ME1: variants seen among roughly 807,000 people sequenced by gnomAD.
The protein encoded by ME1 is malic enzyme 1.
A neutral mutation model predicts 66.4 loss-of-function variants in ME1; 74 were observed. That is an observed-to-expected ratio of 1.11 (90% confidence interval 0.92 to 1.35). The LOEUF (loss-of-function observed/expected upper bound fraction) is 1.35, where lower values mean the gene tolerates loss of function less well. Ranked by LOEUF, ME1 falls within the 40% of genes most tolerant of loss-of-function variation. The probability of loss-of-function intolerance (pLI) is 0.00; values close to 1 mark genes in which losing one functional copy is unlikely to be tolerated. For synonymous variants in ME1, 251 were observed against 235.6 expected (o/e 1.07, Z -0.60); for missense variants, 750 against 694.1 (o/e 1.08, Z -0.90).
intron 3 of ME1, among the ~76,000 whole-genome samples, chr6:83,357,964 T>TATATATAC (rs1562489486): frequency 7.8e-6 from 1 of 128,402 alleles, no homozygotes; most frequent in African/African-American, 2.8e-5. Context: ...TATATATATA[T>TATATATAC]ATATATATAT....
intron 6 of ME1, among the ~76,000 whole-genome samples, chr6:83,270,552 T>G (rs904567683): frequency 6.6e-6 from 1 of 152,080 alleles, no homozygotes; most frequent in Non-Finnish European, 1.5e-5. Context: ...CATGCAGTAG[T>G]GGCACGCTAA....
intron 3 of ME1, among the ~76,000 whole-genome samples, chr6:83,398,153 A>G (rs575607138): frequency 6.6e-6 from 1 of 152,318 alleles, no homozygotes; most frequent in Admixed American, 6.5e-5. Context: ...ACTCACCACA[A>G]ATAAATGATA....
At chr6:83,413,870 A>G (rs1344585883) in intron 1 of ME1, among the ~76,000 whole-genome samples, 8 of 152,112 alleles carry the variant, frequency 5.3e-5, no homozygotes, top group Non-Finnish European at 1.2e-4. Flanking sequence ...GCACATTGGG[A>G]GGGTAAAGCA....
At chr6:83,393,501 C>T in intron 3 of ME1, 2 of 384,828 alleles carry the variant, frequency 5.2e-6, no homozygotes, top group Non-Finnish European at 9.3e-6. Flanking sequence ...TCTCCCACCA[C>T]ACTGAGAATC....
chr6:83,355,419 T>A (rs996685606), intron 3 of ME1, among the ~76,000 whole-genome samples: 4 of 152,130 alleles, frequency 2.6e-5, no homozygotes, highest in Admixed American at 6.5e-5. Context: ...ACCATTTTTT[T>A]AAATAAGAGA....
chr6:83,246,927 G>A (rs557792998), intron 7 of ME1, among the ~76,000 whole-genome samples: 15 of 152,034 alleles, frequency 9.9e-5, no homozygotes, highest in African/African-American at 7.2e-5. Context: ...CTCACTTGCT[G>A]TTTAATAAAT....
At chr6:83,227,903 C>T (rs1218521497) in intron 10 of ME1, among the ~76,000 whole-genome samples, 1 of 152,116 alleles carries the variant, frequency 6.6e-6, no homozygotes, top group Non-Finnish European at 1.5e-5. Context: ...AAGTAAAGTA[C>T]CACCCACTGA....
At position 83,398,414 on chromosome 6, in the gene ME1, A is replaced by G. The variant is rs113231194; in HGVS notation, c.315T>C (p.Thr105=). 50 of 1,601,960 alleles carry G rather than the reference A, an allele frequency of 3.1e-5. No individual in the cohort carries two copies. The highest frequency in any genetic ancestry group is 2.3e-4 in the African/African-American group (17 of 74,416). The part of the protein sequence containing the change: ...EKFMPIVYTP[T]VGLACQQYSL... ...TATATTGTTGGCAAGCCAGACCCACAGTGGGAGTATAAACAATAGGCATGA... is the reference window on the plus strand; with the variant it reads ...TATATTGTTGGCAAGCCAGACCCACGGTGGGAGTATAAACAATAGGCATGA... The change falls in exon 3 of 14, where the codon ACT becomes ACC. Residue 105 remains threonine, a synonymous_variant. Transcript: ENST00000369705.
At chr6:83,383,718 A>G (rs1769451205) in intron 3 of ME1, among the ~76,000 whole-genome samples, 1 of 151,880 alleles carries the variant, frequency 6.6e-6, no homozygotes, top group South Asian at 2.1e-4. Context: ...TTTGTAAAAT[A>G]TGATATTCTC....
At chr6:83,394,232 A>C (rs1446565422) in intron 3 of ME1, among the ~76,000 whole-genome samples, 1 of 152,056 alleles carries the variant, frequency 6.6e-6, no homozygotes, top group East Asian at 1.9e-4. Context: ...TGTGCTATTA[A>C]TGTAGTTTAG....
chr6:83,301,863 T>A (rs1192183615), intron 6 of ME1, among the ~76,000 whole-genome samples: 1 of 152,144 alleles, frequency 6.6e-6, no homozygotes, highest in Non-Finnish European at 1.5e-5. Flanking sequence ...GTAAATTAGT[T>A]CATGCTTTGT....
At chr6:83,285,697 G>T (rs141735142) in intron 6 of ME1, among the ~76,000 whole-genome samples, 30 of 152,296 alleles carry the variant, frequency 2.0e-4, no homozygotes, top group African/African-American at 7.0e-4. Flanking sequence ...AGACCCTGAG[G>T]TGGGAGTGCA....
intron 8 of ME1, 66 bp from the exon 9 acceptor site, chr6:83,237,896 AC>A: frequency 1.3e-6 from 1 of 775,952 alleles, no homozygotes; most frequent in Non-Finnish European, 2.0e-6. Flanking sequence ...GTTACATTTC[AC>A]CCCATTTTGT....
intron 6 of ME1, among the ~76,000 whole-genome samples, chr6:83,295,316 G>C (rs923663867): frequency 6.6e-6 from 1 of 152,144 alleles, no homozygotes; most frequent in African/African-American, 2.4e-5. Flanking sequence ...ACAGAGATGA[G>C]AAAAAACCAG....
chr6:83,292,749 G>T (rs1213411823), intron 6 of ME1, among the ~76,000 whole-genome samples: 2 of 152,228 alleles, frequency 1.3e-5, no homozygotes, highest in Non-Finnish European at 2.9e-5. Flanking sequence ...TAGAGAGGCA[G>T]TAGGCCTTGC....
chr6:83,389,757 C>T (rs545248965), intron 3 of ME1, among the ~76,000 whole-genome samples: 7 of 152,024 alleles, frequency 4.6e-5, no homozygotes, highest in Admixed American at 2.0e-4. Context: ...TTAAGTAACA[C>T]AGGAAGCTCA....
chr6:83,366,858 TCTC>T (rs2128546736), intron 3 of ME1, among the ~76,000 whole-genome samples: 1 of 152,316 alleles, frequency 6.6e-6, no homozygotes, highest in African/African-American at 2.4e-5. Context: ...GATATTCTGA[TCTC>T]CTCCCATGAA....
At chr6:83,286,299 C>T (rs185005108) in intron 6 of ME1, among the ~76,000 whole-genome samples, 75 of 152,226 alleles carry the variant, frequency 4.9e-4, no homozygotes, top group African/African-American at 1.7e-3. Flanking sequence ...TAGAACTGAG[C>T]TTGGTACATA....
chr6:83,269,935 A>G (rs1767055781), intron 6 of ME1, among the ~76,000 whole-genome samples: 4 of 152,180 alleles, frequency 2.6e-5, no homozygotes, highest in East Asian at 1.9e-4. Flanking sequence ...AAAATTCTGT[A>G]TTACTCCATA....
Sources: allele counts gnomAD v4.1 joint callset (sites outside exome capture counted in the v4.1 genomes callset), GRCh38; gene constraint gnomAD v4.1.1; transcripts MANE v1.5; gene names NCBI Gene and HGNC (gene_info 2026-07-23, HGNC 2026-07-21).